Variants in CCSER1 observed in about 807,000 individuals in gnomAD.
CCSER1 encodes the protein serine-rich coiled-coil domain-containing protein 1.
Under a neutral mutation model 82.0 loss-of-function variants are expected in CCSER1, and 41 were observed. The ratio of observed to expected loss-of-function variants is 0.50; its 90% CI spans 0.39 to 0.65. CCSER1 has a LOEUF of 0.65. CCSER1 is among the 30% of genes least tolerant of loss of function. The pLI is 0.00. For missense variants in CCSER1, 1,119 were observed against 1,064.2 expected (o/e 1.05, Z -0.72); for synonymous variants, 414 against 383.9 (o/e 1.08, Z -0.92).
intron 7 of CCSER1, among the ~76,000 whole-genome samples, chr4:90,731,063 T>G (rs1345253486): frequency 6.6e-6 from 1 of 152,162 alleles, no homozygotes; most frequent in Non-Finnish European, 1.5e-5. Context: ...CTCCTATAGT[T>G]GAAAGATTAT....
At chr4:91,063,576 C>T (rs1744130902) in intron 9 of CCSER1, among the ~76,000 whole-genome samples, 1 of 152,050 alleles carries the variant, frequency 6.6e-6, no homozygotes, top group African/African-American at 2.4e-5. Context: ...TGCTATTTAT[C>T]TTGACTCATT....
At chr4:90,518,238 T>A (rs1380572538) in intron 5 of CCSER1, among the ~76,000 whole-genome samples, 3 of 152,086 alleles carry the variant, frequency 2.0e-5, no homozygotes, top group African/African-American at 7.2e-5. Context: ...GATAAAAGCT[T>A]AATTTCAGCC....
At chr4:90,707,550 T>G (rs1478798658) in intron 6 of CCSER1, among the ~76,000 whole-genome samples, 5 of 150,474 alleles carry the variant, frequency 3.3e-5, no homozygotes, top group African/African-American at 9.7e-5. Context: ...TATATATATA[T>G]ATATATAATA....
At chr4:91,353,434 T>C (rs914834372) in intron 10 of CCSER1, among the ~76,000 whole-genome samples, 3 of 152,316 alleles carry the variant, frequency 2.0e-5, no homozygotes, top group South Asian at 2.1e-4. Context: ...AAGTTATGAG[T>C]TGATTTTTAA....
At chr4:90,506,953 G>T (rs973629609) in intron 5 of CCSER1, among the ~76,000 whole-genome samples, 1 of 152,048 alleles carries the variant, frequency 6.6e-6, no homozygotes, top group Non-Finnish European at 1.5e-5. Flanking sequence ...TAAATGAATA[G>T]ATTTGGTTGA....
intron 4 of CCSER1, among the ~76,000 whole-genome samples, chr4:90,416,424 A>G (rs1176300425): frequency 6.6e-6 from 1 of 152,188 alleles, no homozygotes; most frequent in African/African-American, 2.4e-5. Flanking sequence ...TCCAAGTTAG[A>G]ATTCCAGCTC....
At chr4:91,569,522 G>T (rs771962145) in intron 10 of CCSER1, among the ~76,000 whole-genome samples, 1 of 152,164 alleles carries the variant, frequency 6.6e-6, no homozygotes, top group Non-Finnish European at 1.5e-5. Context: ...CATGGCTGGG[G>T]AGGCCTCAGG....
rs994024407 is a variant in CCSER1 at position 91,198,674 on chromosome 4, T to C, written c.2217+112680T>C. 1.4e-4 allele frequency among the ~76,000 whole-genome samples: 22 copies of C among 152,110 alleles called. 1 individual carries two copies. Among genetic ancestry groups the C allele is most frequent in the Admixed American group, 6.6e-5 (1 of 15,250 alleles). On this transcript the variant is annotated intron_variant, in intron 10 of 10. Coordinates refer to ENST00000509176, the MANE Select transcript of CCSER1 (RefSeq NM_001145065.2). ...GATGTCAGAAGTCAGGGGATACATA[T>C]AGTACTAAAAGATGTATCAATTTAT... is the stretch of plus-strand genomic sequence containing the variant.
At chr4:90,153,192 A>G (rs1372229156) in intron 1 of CCSER1, among the ~76,000 whole-genome samples, 5 of 151,928 alleles carry the variant, frequency 3.3e-5, no homozygotes, top group Admixed American at 2.0e-4. Flanking sequence ...AATTTCATCC[A>G]TGTCCCTACA....
chr4:90,225,841 C>T (rs1401001818), intron 1 of CCSER1, among the ~76,000 whole-genome samples: 1 of 152,190 alleles, frequency 6.6e-6, no homozygotes, highest in Non-Finnish European at 1.5e-5. Context: ...AAATTGGCCA[C>T]AGATGCTTTG....
At chr4:90,528,337 G>A (rs1774050874) in intron 5 of CCSER1, among the ~76,000 whole-genome samples, 1 of 151,976 alleles carries the variant, frequency 6.6e-6, no homozygotes, top group East Asian at 1.9e-4. Flanking sequence ...TCAGTAATTG[G>A]CACCAACCAG....
chr4:91,226,875 G>A (rs2149108963), intron 10 of CCSER1, among the ~76,000 whole-genome samples: 1 of 151,862 alleles, frequency 6.6e-6, no homozygotes, highest in African/African-American at 2.4e-5. Flanking sequence ...CACTTCAATA[G>A]TTACTAGCCA....
chr4:90,324,952 C>T (rs904775815), intron 3 of CCSER1, among the ~76,000 whole-genome samples: 1 of 152,120 alleles, frequency 6.6e-6, no homozygotes, highest in Admixed American at 6.5e-5. Context: ...GCTTGTTTTT[C>T]TCAGATTTGT....
At chr4:90,910,270 G>T (rs75685880) in intron 8 of CCSER1, among the ~76,000 whole-genome samples, 7,168 of 152,108 alleles carry the variant, frequency 0.047, 482 homozygotes, top group African/African-American at 0.15. Flanking sequence ...AATTCACATG[G>T]GATTTGTGTG....
At chr4:90,473,138 A>G (rs533886644) in intron 5 of CCSER1, among the ~76,000 whole-genome samples, 2 of 152,338 alleles carry the variant, frequency 1.3e-5, no homozygotes, top group Non-Finnish European at 2.9e-5. Flanking sequence ...GCATTTCATG[A>G]AATGTACATA....
intron 7 of CCSER1, among the ~76,000 whole-genome samples, chr4:90,803,261 A>G (rs1052986379): frequency 6.6e-6 from 1 of 152,108 alleles, no homozygotes; most frequent in African/African-American, 2.4e-5. Flanking sequence ...TGTGCAGAAC[A>G]TGCAGTTTTC....
chr4:90,510,610 CT>C (rs1936609952), intron 5 of CCSER1, among the ~76,000 whole-genome samples: 1 of 152,152 alleles, frequency 6.6e-6, no homozygotes, highest in African/African-American at 2.4e-5. Flanking sequence ...TTCTTTCATG[CT>C]TTGGAACATT....
At chr4:90,294,367 A>C (rs191656767) in intron 1 of CCSER1, among the ~76,000 whole-genome samples, 195 of 152,094 alleles carry the variant, frequency 1.3e-3, no homozygotes, top group Non-Finnish European at 2.1e-3. Context: ...AAAAAAATAC[A>C]AAGTCTTTAT....
At chr4:90,992,727 C>T (rs1005659746) in intron 9 of CCSER1, among the ~76,000 whole-genome samples, 1 of 151,944 alleles carries the variant, frequency 6.6e-6, no homozygotes, top group Non-Finnish European at 1.5e-5. Flanking sequence ...GGAGGCCACC[C>T]TCAGCTCCCA....
Sources: gnomAD v4.1 joint callset for allele counts (sites outside exome capture counted in the v4.1 genomes callset) on GRCh38, gnomAD v4.1.1 for gene constraint, MANE v1.5 for transcripts, NCBI Gene and HGNC (gene_info 2026-07-23, HGNC 2026-07-21) for gene names.